SMC5: variants seen among roughly 807,000 people sequenced by gnomAD.
SMC5 encodes the protein structural maintenance of chromosomes 5, also known as structural maintenance of chromosomes protein 5.
In SMC5, 88 loss-of-function variants were observed where a neutral mutation model predicts 148.3. The observed-to-expected ratio is 0.59, with a 90% CI of 0.50 to 0.71. The LOEUF (loss-of-function observed/expected upper bound fraction) is 0.71, where lower values mean the gene tolerates loss of function less well. Among genes scored for constraint, SMC5 ranks in the 30% least tolerant of loss-of-function variants. The probability of loss-of-function intolerance (pLI) is 0.00; values close to 1 mark genes in which losing one functional copy is unlikely to be tolerated. For synonymous variants in SMC5, 421 were observed against 432.8 expected, an observed-to-expected ratio of 0.97 and a Z score of 0.34; for missense variants, 1,142 against 1,298.9, an observed-to-expected ratio of 0.88 and a Z score of 1.86.
rs1168669851 is a variant in SMC5 at position 70,292,489 on chromosome 9, G to T, written c.1054-5477G>T. Among the ~76,000 whole-genome samples, 12 of 152,130 alleles carry T rather than the reference G, an allele frequency of 7.9e-5. No homozygotes were observed. The South Asian group carries it at 1.9e-3, about 24-fold the overall frequency. On this transcript the variant is annotated intron_variant, in intron 8 of 24. Coordinates refer to ENST00000361138, the MANE Select transcript of SMC5 (RefSeq NM_015110.4). ...TTATTTCTTTCTTTCTGATTTGTAT[G>T]CACTTAGTTTTCTTACGTTATTGCA...
chr9:70,269,909 G>T (rs1178448981), intron 3 of SMC5, among the ~76,000 whole-genome samples: 1 of 152,208 alleles, frequency 6.6e-6, no homozygotes, highest in Non-Finnish European at 1.5e-5. Flanking sequence ...GTTTAATTAA[G>T]TGTGGGATAT....
At chr9:70,331,924 C>G (rs2036229019) in intron 17 of SMC5, among the ~76,000 whole-genome samples, 1 of 152,068 alleles carries the variant, frequency 6.6e-6, no homozygotes, top group African/African-American at 2.4e-5. Flanking sequence ...ATTGCCTCAT[C>G]TTACTGCTTG....
chr9:70,313,742 C>T (rs550500947), intron 11 of SMC5, among the ~76,000 whole-genome samples: 26 of 152,214 alleles, frequency 1.7e-4, no homozygotes, highest in African/African-American at 4.1e-4. Context: ...TCAGTTGATC[C>T]GCCCGTCTCG....
At chr9:70,336,889 A>G (rs1320784989) in intron 17 of SMC5, among the ~76,000 whole-genome samples, 1 of 152,214 alleles carries the variant, frequency 6.6e-6, no homozygotes, top group Non-Finnish European at 1.5e-5. Flanking sequence ...TACAAAAGAA[A>G]GAGGTTTAAT....
chr9:70,316,896 A>G (rs1230058534), intron 13 of SMC5, among the ~76,000 whole-genome samples: 1 of 151,950 alleles, frequency 6.6e-6, no homozygotes, highest in Non-Finnish European at 1.5e-5. Context: ...TTTTCTTCCC[A>G]TTTCTTTTTC....
At chr9:70,269,454 C>T (rs979027727) in intron 3 of SMC5, among the ~76,000 whole-genome samples, 6 of 151,960 alleles carry the variant, frequency 3.9e-5, no homozygotes, top group Non-Finnish European at 8.8e-5. Flanking sequence ...TGGCTGCGCA[C>T]CTGTAGTCCT....
At chr9:70,266,797 CCTGATTTTT>C in intron 2 of SMC5, among the ~76,000 whole-genome samples, 1 of 152,184 alleles carries the variant, frequency 6.6e-6, no homozygotes, top group South Asian at 2.1e-4. Flanking sequence ...AGAACTGCCT[CCTGATTTTT>C]GTTTCCTCCT....
intron 7 of SMC5, among the ~76,000 whole-genome samples, chr9:70,284,414 C>T (rs1464469972): frequency 1.3e-5 from 2 of 152,128 alleles, no homozygotes; most frequent in East Asian, 3.9e-4. Flanking sequence ...ACGACTTCCT[C>T]AAGGATATGA....
intron 8 of SMC5, among the ~76,000 whole-genome samples, chr9:70,295,109 G>C (rs1342220860): frequency 1.3e-5 from 2 of 152,130 alleles, no homozygotes; most frequent in African/African-American, 4.8e-5. Flanking sequence ...GTCACCACTT[G>C]AGAGGGCTCT....
At chr9:70,321,855 G>A (rs2035955700) in intron 15 of SMC5, among the ~76,000 whole-genome samples, 1 of 152,146 alleles carries the variant, frequency 6.6e-6, no homozygotes, top group Admixed American at 6.5e-5. Context: ...ACGGTTTCCA[G>A]TTTCAAGGTT....
At chr9:70,345,228 T>G (rs1030415109) in intron 18 of SMC5, among the ~76,000 whole-genome samples, 1 of 152,136 alleles carries the variant, frequency 6.6e-6, no homozygotes, top group South Asian at 2.1e-4. Flanking sequence ...GTCATACTGT[T>G]TTTGAATCAA....
intron 5 of SMC5, among the ~76,000 whole-genome samples, chr9:70,280,277 T>G (rs2034713930): frequency 6.6e-6 from 1 of 152,376 alleles, no homozygotes; most frequent in Non-Finnish European, 1.5e-5. Context: ...ATTTATTAAT[T>G]GACACCATAA....
chr9:70,264,287 A>G lies in SMC5; in HGVS notation c.186-17A>G, dbSNP rs1484929578. The G allele has an allele frequency of 1.9e-6, 3 of 1,598,994 alleles. No homozygotes were observed. The highest frequency in any genetic ancestry group is 1.1e-5 in the South Asian group (1 of 87,844). On this transcript the variant is annotated splice_polypyrimidine_tract_variant and intron_variant, in intron 1 of 24. Coordinates refer to ENST00000361138, the MANE Select transcript of SMC5 (RefSeq NM_015110.4). ...TTTTGTATCTCTCCTTAATAATTTCATCTCTTTATAATTCAGAACATATGA... is the reference window on the plus strand; with the variant it reads ...TTTTGTATCTCTCCTTAATAATTTCGTCTCTTTATAATTCAGAACATATGA...
chr9:70,317,245 C>T (rs66658020), intron 13 of SMC5, among the ~76,000 whole-genome samples: 32,719 of 151,836 alleles, frequency 0.22, 3,659 homozygotes, highest in South Asian at 0.28. Context: ...TAAAAGTATA[C>T]TCTTTATGTT....
At chr9:70,319,020 A>G in intron 15 of SMC5, 57 bp downstream of exon 15, 2 of 1,422,024 alleles carry the variant, frequency 1.4e-6, no homozygotes, top group Non-Finnish European at 1.9e-6. Context: ...GAGAATATTA[A>G]TTATACACTG....
intron 18 of SMC5, 64 bp downstream of exon 18, chr9:70,344,333 T>A (rs2036606125): frequency 7.8e-7 from 1 of 1,274,750 alleles, no homozygotes; most frequent in Admixed American, 3.1e-5. Flanking sequence ...TTATGGAATC[T>A]TAGCCATTGT....
intron 7 of SMC5, among the ~76,000 whole-genome samples, chr9:70,285,570 A>G (rs551907688): frequency 6.6e-6 from 1 of 152,226 alleles, no homozygotes; most frequent in South Asian, 2.1e-4. Flanking sequence ...TGGTAGAAAC[A>G]CTCCCAAAAT....
At chr9:70,305,100 A>T (rs999092846) in intron 10 of SMC5, 147 bp from the exon 11 acceptor site, 1 of 514,804 alleles carries the variant, frequency 1.9e-6, no homozygotes, top group Non-Finnish European at 3.5e-6. Flanking sequence ...TAGATGTTTT[A>T]AAATAACTCT....
intron 7 of SMC5, among the ~76,000 whole-genome samples, chr9:70,283,297 CTA>C (rs1405048270): frequency 1.3e-5 from 2 of 152,096 alleles, no homozygotes; most frequent in African/African-American, 2.4e-5. Flanking sequence ...AACCCTGTCT[CTA>C]TGAAAAACAC....
Sources: gnomAD v4.1 joint callset for allele counts (sites outside exome capture counted in the v4.1 genomes callset) on GRCh38, gnomAD v4.1.1 for gene constraint, MANE v1.5 for transcripts, NCBI Gene and HGNC (gene_info 2026-07-23, HGNC 2026-07-21) for gene names.